The following TBC1D5 variants were observed in gnomAD, a reference collection of about 807,000 sequenced individuals.
TBC1D5 encodes TBC1 domain family, member 5.
TBC1D5 carries 75 observed loss-of-function variants against 100.3 expected under a neutral mutation model. The ratio of observed to expected loss-of-function variants is 0.75; its 90% CI spans 0.62 to 0.91. TBC1D5 has a LOEUF of 0.91. TBC1D5 is among the 40% of genes least tolerant of loss of function. The probability of loss-of-function intolerance (pLI) is 0.00; values close to 1 mark genes in which losing one functional copy is unlikely to be tolerated. For missense variants in TBC1D5, 910 were observed against 942.4 expected (o/e 0.97, Z 0.45); for synonymous variants, 323 against 325.6 (o/e 0.99, Z 0.09).
chr3:17,290,865 A>C (rs919834939), intron 15 of TBC1D5, among the ~76,000 whole-genome samples: 2 of 152,368 alleles, frequency 1.3e-5, no homozygotes, highest in East Asian at 3.9e-4. Context: ...AATGATATGA[A>C]AGTTCATAAA....
chr3:17,704,446 C>A (rs1220484705), intron 1 of TBC1D5, among the ~76,000 whole-genome samples: 1 of 149,202 alleles, frequency 6.7e-6, no homozygotes, highest in African/African-American at 2.4e-5. Context: ...GCACACCTCC[C>A]AGACGGGGTG....
chr3:17,302,475 G>GA (rs2082953877), intron 14 of TBC1D5, among the ~76,000 whole-genome samples: 1 of 151,650 alleles, frequency 6.6e-6, no homozygotes, highest in Non-Finnish European at 1.5e-5. Context: ...ATCTTTTGTT[G>GA]AGGGGGGGGA....
chr3:17,670,521 A>T (rs2067822319), intron 1 of TBC1D5, among the ~76,000 whole-genome samples: 1 of 152,158 alleles, frequency 6.6e-6, no homozygotes, highest in Non-Finnish European at 1.5e-5. Context: ...ACCTTTTAGG[A>T]TAGTAGTTAT....
intron 1 of TBC1D5, among the ~76,000 whole-genome samples, chr3:17,697,150 A>G (rs1219205396): frequency 1.3e-5 from 2 of 152,250 alleles, no homozygotes; most frequent in Non-Finnish European, 2.9e-5. Flanking sequence ...CCAATATCAT[A>G]CCGAATGGGC....
intron 13 of TBC1D5, among the ~76,000 whole-genome samples, chr3:17,363,598 C>T (rs1208460801): frequency 6.6e-6 from 1 of 150,662 alleles, no homozygotes; most frequent in African/African-American, 2.4e-5. Flanking sequence ...TGGGTAGAGA[C>T]AAGGGTCTCA....
intron 4 of TBC1D5, among the ~76,000 whole-genome samples, chr3:17,422,346 G>GTT (rs200102244): frequency 7.5e-5 from 11 of 147,202 alleles, no homozygotes; most frequent in African/African-American, 2.8e-4. Context: ...TTTGTTTTTT[G>GTT]TTTTTTTGTT....
At chr3:17,581,030 G>A (rs553137274) in intron 2 of TBC1D5, among the ~76,000 whole-genome samples, 65 of 152,162 alleles carry the variant, frequency 4.3e-4, no homozygotes, top group Non-Finnish European at 5.1e-4. Flanking sequence ...CCCACGTGTC[G>A]TGGGAGGGAC....
intron 13 of TBC1D5, among the ~76,000 whole-genome samples, chr3:17,324,416 C>T (rs866117670): frequency 1.3e-5 from 2 of 152,228 alleles, no homozygotes; most frequent in Middle Eastern, 3.4e-3. Flanking sequence ...CCGCGGCAGG[C>T]GGATCACTTG....
intron 1 of TBC1D5, among the ~76,000 whole-genome samples, chr3:17,655,600 T>C (rs967082207): frequency 2.6e-5 from 4 of 152,072 alleles, no homozygotes; most frequent in Non-Finnish European, 5.9e-5. Context: ...AAAACAATCA[T>C]CTTCATTAAA....
At chr3:17,273,796 A>G (rs1289036650) in intron 15 of TBC1D5, among the ~76,000 whole-genome samples, 1 of 144,336 alleles carries the variant, frequency 6.9e-6, no homozygotes, top group Non-Finnish European at 1.5e-5. Flanking sequence ...GACAAGAGCA[A>G]AACTCTGTAT....
chr3:17,561,691 TAAATA>T (rs2096560426), intron 2 of TBC1D5, among the ~76,000 whole-genome samples: 1 of 152,040 alleles, frequency 6.6e-6, no homozygotes, highest in Non-Finnish European at 1.5e-5. Flanking sequence ...TTTGAAGACC[TAAATA>T]AAATAAAAAA....
chr3:17,216,918 A>T (rs1157617343), intron 17 of TBC1D5, among the ~76,000 whole-genome samples: 2 of 152,162 alleles, frequency 1.3e-5, no homozygotes, highest in East Asian at 3.8e-4. Flanking sequence ...AAAGAATATA[A>T]TTCAGTGTTT....
At chr3:17,303,191 T>C (rs1316429711) in intron 14 of TBC1D5, among the ~76,000 whole-genome samples, 1 of 152,254 alleles carries the variant, frequency 6.6e-6, no homozygotes, top group African/African-American at 2.4e-5. Context: ...GAGTCACTGC[T>C]GCCTCTGCAA....
Position 17,636,796 on chromosome 3 carries a change from G to A in TBC1D5, c.-100-12883C>T, listed in dbSNP as rs541115677. On this transcript the variant is annotated intron_variant, in intron 1 of 21. Transcript: ENST00000253692. ...AGCCTGGGAGACAGAGCGAGACTCC[G>A]TCTCAAAAAAAAAAAGAATATAGTA... 1.5e-4 allele frequency among the ~76,000 whole-genome samples: 22 copies of A among 150,372 alleles called. No individual in the cohort carries two copies. The East Asian group carries it at 3.7e-3, about 26-fold the overall frequency.
intron 3 of TBC1D5, among the ~76,000 whole-genome samples, chr3:17,485,450 C>T (rs1220142630): frequency 6.6e-6 from 1 of 151,304 alleles, no homozygotes; most frequent in Non-Finnish European, 1.5e-5. Context: ...CGTCATTTAG[C>T]ATTAGGTGTA....
intron 2 of TBC1D5, among the ~76,000 whole-genome samples, chr3:17,605,385 C>CTGAA (rs1292699884): frequency 6.6e-6 from 1 of 152,168 alleles, no homozygotes; most frequent in Non-Finnish European, 1.5e-5. Context: ...CAAATCTTAG[C>CTGAA]TGAACTCAGT....
At chr3:17,249,475 G>T (rs1167630377) in intron 16 of TBC1D5, among the ~76,000 whole-genome samples, 1 of 152,126 alleles carries the variant, frequency 6.6e-6, no homozygotes, top group East Asian at 1.9e-4. Context: ...AGTGTTGATG[G>T]TGGGGCCTAG....
intron 16 of TBC1D5, among the ~76,000 whole-genome samples, chr3:17,242,395 G>A (rs1266140010): frequency 1.3e-5 from 2 of 151,942 alleles, no homozygotes; most frequent in East Asian, 1.9e-4. Context: ...ATAAAATCTT[G>A]TTAGATGCTT....
chr3:17,729,017 A>T (rs946796476), intron 1 of TBC1D5, among the ~76,000 whole-genome samples: 2 of 30,918 alleles, frequency 6.5e-5, no homozygotes, highest in Admixed American at 4.3e-4. Flanking sequence ...GAAAATCAGT[A>T]AAAAAAAAAA....
Sources: gnomAD v4.1 joint callset for allele counts (sites outside exome capture counted in the v4.1 genomes callset) on GRCh38, gnomAD v4.1.1 for gene constraint, MANE v1.5 for transcripts, NCBI Gene and HGNC (gene_info 2026-07-23, HGNC 2026-07-21) for gene names.